The following TPM4 variants were observed in gnomAD, a reference collection of about 807,000 sequenced individuals.
TPM4 encodes tropomyosin 4.
TPM4 carries 17 observed loss-of-function variants against 35.8 expected under a neutral mutation model. The ratio of observed to expected loss-of-function variants is 0.47; its 90% CI spans 0.32 to 0.71. TPM4 has a LOEUF of 0.71. Ranked by LOEUF, TPM4 falls within the 30% of genes least tolerant of loss-of-function variation. TPM4 has a pLI of 0.03. For synonymous variants in TPM4, 120 were observed against 122.9 expected (o/e 0.98, Z 0.15); for missense variants, 240 against 320.9 (o/e 0.75, Z 1.93).
At position 16,099,486 on chromosome 19, in the gene TPM4, AG is replaced by A. The variant is rs1326702823; in HGVS notation, c.665-1776del. 9.2e-5 allele frequency among the ~76,000 whole-genome samples: 14 copies of A among 152,146 alleles called. 1 individual carries two copies. The highest frequency in any genetic ancestry group is 3.4e-4 in the African/African-American group (14 of 41,558). On this transcript the variant is annotated intron_variant, in intron 7 of 7. Coordinates refer to ENST00000643579, the MANE Select transcript of TPM4 (RefSeq NM_003290.3). ...GTAGTCCCAGCTACTTGGGAGGCTG[AG>A]GTAGAAGGATCACTTGAGCCCAGGA... is the stretch of plus-strand genomic sequence containing the variant.
intron 3 of TPM4, among the ~76,000 whole-genome samples, chr19:16,086,772 C>G (rs1241249202): frequency 6.6e-6 from 1 of 152,138 alleles, no homozygotes; most frequent in Non-Finnish European, 1.5e-5. Flanking sequence ...ATGATCAGCT[C>G]ACTTGTGTCG....
rs543844160 is a variant in TPM4 at position 16,067,973 on chromosome 19, CAG to C, written c.114+244_114+245del. On this transcript the variant is annotated intron_variant, in intron 2 of 2. Coordinates refer to the TPM4 transcript ENST00000589897. The surrounding 1 kb of genome is among the most constrained non-coding windows in gnomAD (Gnocchi z 4.1). Reference sequence around the variant, plus strand: ...GCCAGTGCGAACAAAGTGAGTTTGACAGAGAGAGAGTTGGCGGGGGAGGGAGA... The same window carrying C: ...GCCAGTGCGAACAAAGTGAGTTTGACAGAGAGAGTTGGCGGGGGAGGGAGA... 6 of 500,720 alleles carry C rather than the reference CAG, an allele frequency of 1.2e-5. No homozygotes were observed. Among genetic ancestry groups the C allele is most frequent in the South Asian group, 2.7e-5 (1 of 37,228 alleles). The allele number at this position is 500,720 out of a possible 1,614,324, so 31.0% of individuals were successfully genotyped here.
chr19:16,069,532 T>G lies in TPM4; in HGVS notation c.114+1794T>G, dbSNP rs150213351. 1.3e-3 allele frequency among the ~76,000 whole-genome samples: 40 copies of G among 31,078 alleles called. 2 individuals carry two copies. Among genetic ancestry groups the G allele is most frequent in the African/African-American group, 2.3e-3 (18 of 7,774 alleles). The allele number at this position is 31,078 out of a possible 152,430, so 20.4% of individuals were successfully genotyped here. A position where few individuals can be genotyped will look rare whatever the true frequency, so the allele number is the denominator to read the frequency against. The stretch of plus-strand genomic sequence containing the variant: ...GATTGTGTGTTTCTATTGGTGTGTA[T>G]GTGTGTTGTGTGTGGATGAGTGTGT... On this transcript the variant is annotated intron_variant, in intron 2 of 2. Coordinates refer to the TPM4 transcript ENST00000589897.
At chr19:16,073,384 C>G (rs73003788), upstream of TPM4, among the ~76,000 whole-genome samples, 5,062 of 152,276 alleles carry the variant, frequency 0.033, 117 homozygotes, top group Non-Finnish European at 0.048. Flanking sequence ...TATGAAACGT[C>G]TTTAAGGAAA....
In TPM4 at chr19:16,081,224, T is replaced by C. The variant is rs867014068; in HGVS notation, c.133-689T>C. ...AGAATCTCACAGTGAGCCCTAGAACTCTCTACGTGGTAACACTGTGTGCCT... is the reference window on the plus strand; with the variant it reads ...AGAATCTCACAGTGAGCCCTAGAACCCTCTACGTGGTAACACTGTGTGCCT... On this transcript the variant is annotated intron_variant, in intron 1 of 7. Coordinates refer to ENST00000643579, the MANE Select transcript of TPM4 (RefSeq NM_003290.3). 10 of 395,376 alleles carry C rather than the reference T, an allele frequency of 2.5e-5. No individual in the cohort carries two copies. In the East Asian group the frequency reaches 3.6e-4, roughly 14 times the overall value. The allele number at this position is 395,376 out of a possible 1,614,324, so 24.5% of individuals were successfully genotyped here.
rs1302818587 is a variant in TPM4, at chr19:16,096,952, T to C, written c.664+3199T>C. Among the ~76,000 whole-genome samples, 40 of 114,734 alleles carry C rather than the reference T, an allele frequency of 3.5e-4. 1 individual carries two copies. Among genetic ancestry groups the C allele is most frequent in the African/African-American group, 1.9e-3 (40 of 21,580 alleles). The allele number at this position is 114,734 out of a possible 152,430, so 75.3% of individuals were successfully genotyped here. A position where few individuals can be genotyped will look rare whatever the true frequency, so the allele number is the denominator to read the frequency against. On this transcript the variant is annotated intron_variant, in intron 7 of 7. Transcript: ENST00000643579. ...AAGGTCACTCTTTTTTTTTTTTTTT[T>C]TTTTTTTTTTTTTTTTTTCAAGACA...
chr19:16,079,628 T>C (rs2090456942), intron 1 of TPM4: 2 of 220,390 alleles, frequency 9.1e-6, no homozygotes, highest in South Asian at 1.8e-4. Context: ...GTGTAGTTTT[T>C]CGGCCACGTT....
intron 1 of TPM4, chr19:16,081,641 A>C: frequency 4.3e-6 from 1 of 234,358 alleles, no homozygotes; most frequent in South Asian, 1.2e-4. Flanking sequence ...TGATACACCC[A>C]CCTCAGCCTC....
chr19:16,069,885 C>A (rs1338341225), intron 2 of TPM4, among the ~76,000 whole-genome samples: 17 of 151,814 alleles, frequency 1.1e-4, no homozygotes, highest in Admixed American at 1.1e-3. Flanking sequence ...GCTGTGCGAA[C>A]CTGTGTGTGC....
chr19:16,068,301 C>T (rs748203663), intron 2 of TPM4, among the ~76,000 whole-genome samples: 30 of 152,106 alleles, frequency 2.0e-4, no homozygotes, highest in Non-Finnish European at 4.0e-4. Flanking sequence ...CCTCAGCCTC[C>T]GAGTAGCTGG....
Position 16,101,429 on chromosome 19 carries a change from AT to A in TPM4, c.*85del, listed in dbSNP as rs938782344. On this transcript the variant is annotated 3_prime_UTR_variant, in exon 8 of 8. Coordinates refer to ENST00000643579, the MANE Select transcript of TPM4 (RefSeq NM_003290.3). The stretch of plus-strand genomic sequence containing the variant: ...TCTCTTGTAAGAAGTTCCTTTTGTT[AT>A]TGCCATCTTCGCTTTGCTGGAAATG... 2 of 1,030,060 alleles carry A rather than the reference AT, an allele frequency of 1.9e-6. No homozygotes were observed. The highest frequency in any genetic ancestry group is 3.3e-5 in the African/African-American group (2 of 60,216). 63.8% of individuals were successfully genotyped at this position (1,030,060 alleles called of 1,614,324 possible).
Position 16,101,952 on chromosome 19 carries a change from G to C in TPM4, c.*606G>C, listed in dbSNP as rs145121230. On this transcript the variant is annotated 3_prime_UTR_variant, in exon 8 of 8. Transcript: ENST00000643579. ...ACAAACATCTTCTCAAGCAGTCAAC[G>C]TAGAATGCTTGGGAAATAGTCATAA... 510 of 222,864 alleles carry C rather than the reference G, an allele frequency of 2.3e-3. 2 individuals carry two copies. The highest frequency in any genetic ancestry group is 0.011 in the African/African-American group (499 of 44,838). The allele number at this position is 222,864 out of a possible 1,614,324, so 13.8% of individuals were successfully genotyped here. A position where few individuals can be genotyped will look rare whatever the true frequency, so the allele number is the denominator to read the frequency against.
intron 7 of TPM4, among the ~76,000 whole-genome samples, chr19:16,094,252 G>A (rs1053130520): frequency 4.6e-5 from 7 of 152,024 alleles, no homozygotes; most frequent in African/African-American, 1.7e-4. Flanking sequence ...AAAAATCTCA[G>A]GCCAGGCGCA....
intron 1 of TPM4, 141 bp downstream of exon 1, chr19:16,076,838 C>T: frequency 8.0e-7 from 1 of 1,254,172 alleles, no homozygotes; most frequent in Non-Finnish European, 1.0e-6. Flanking sequence ...CGCCGACCCA[C>T]ATCCCTGCGC....
chr19:16,075,888 G>C (rs1404261166), upstream of TPM4: 9 of 1,005,208 alleles, frequency 9.0e-6, no homozygotes, highest in Admixed American at 9.4e-5. Context: ...AGCATGGATG[G>C]CGTGGTGCAT....
At chr19:16,088,631 G>GT in intron 4 of TPM4, 1 of 1,032,440 alleles carries the variant, frequency 9.7e-7, no homozygotes, top group Non-Finnish European at 1.2e-6. Flanking sequence ...GAGAGATCTG[G>GT]TTTCACAAAT....
Position 16,101,523 on chromosome 19 carries a change from C to T in TPM4, c.*177C>T. On this transcript the variant is annotated 3_prime_UTR_variant, in exon 8 of 8. Transcript: ENST00000643579. The stretch of plus-strand genomic sequence containing the variant: ...GAAGCTTTGAGCACCAGTTAAATCT[C>T]ATTCCTTCCCTTTTTTTTTCAAATG... The T allele has an allele frequency of 2.2e-6, 1 of 459,168 alleles. No homozygotes were observed. Among genetic ancestry groups the T allele is most frequent in the African/African-American group, 2.0e-5 (1 of 49,386 alleles). 28.4% of individuals were successfully genotyped at this position (459,168 alleles called of 1,614,324 possible).
rs149688755 is a variant in TPM4, at chr19:16,080,792, G to A, written c.133-1121G>A. The A allele has an allele frequency of 3.1e-3, 1,095 of 347,872 alleles. 13 individuals are homozygous for A. Among genetic ancestry groups the A allele is most frequent in the African/African-American group, 0.02 (934 of 47,808 alleles). The allele number at this position is 347,872 out of a possible 1,614,324, so 21.5% of individuals were successfully genotyped here. On this transcript the variant is annotated intron_variant, in intron 1 of 7. Coordinates refer to ENST00000643579, the MANE Select transcript of TPM4 (RefSeq NM_003290.3). ...CCATTGCACTCCAGCCTTGGTGACG[G>A]CGCAAGACTCCATCTCAAAAAAAAA... is the stretch of plus-strand genomic sequence containing the variant.
chr19:16,070,068 G>A lies in TPM4; in HGVS notation c.114+2330G>A, dbSNP rs2090342039. Among the ~76,000 whole-genome samples the A allele has an allele frequency of 6.6e-6, 1 of 152,108 alleles. No homozygotes were observed. Among genetic ancestry groups the A allele is most frequent in the Non-Finnish European group, 1.5e-5 (1 of 68,002 alleles). On this transcript the variant is annotated intron_variant, in intron 2 of 2. Transcript: ENST00000589897. The surrounding 1 kb of genome is among the most constrained non-coding windows in gnomAD (Gnocchi z 7.4). Reference sequence around the variant, plus strand: ...CTGGGTGGGGTCTGGGGACTGGGATGGGAGTAGAGTTGAGAGTGAGTCTGA... The same window carrying A: ...CTGGGTGGGGTCTGGGGACTGGGATAGGAGTAGAGTTGAGAGTGAGTCTGA...
Sources: allele counts gnomAD v4.1 joint callset (sites outside exome capture counted in the v4.1 genomes callset), GRCh38; gene constraint gnomAD v4.1.1; non-coding constraint Gnocchi (gnomAD v3.1); transcripts MANE v1.5; gene names NCBI Gene and HGNC (gene_info 2026-07-23, HGNC 2026-07-21).